The following SPEG variants were observed in gnomAD, a reference collection of about 807,000 sequenced individuals.
The protein encoded by SPEG is striated muscle enriched protein kinase.
SPEG carries 114 observed loss-of-function variants against 300.4 expected under a neutral mutation model. The observed-to-expected ratio is 0.38, with a 90% CI of 0.33 to 0.44. SPEG has a LOEUF of 0.44. SPEG is among the 20% of genes least tolerant of loss of function. SPEG has a pLI of 1.00. For missense variants in SPEG, 4,201 were observed against 4,586.2 expected (o/e 0.92, Z 2.43); for synonymous variants, 1,964 against 2,018.9 (o/e 0.97, Z 0.73).
Position 219,448,993 on chromosome 2 carries a change from C to T in SPEG, c.1835C>T (p.Pro612Leu), listed in dbSNP as rs1416479227. 6.7e-7 allele frequency: 1 copy of T among 1,482,754 alleles called. No homozygotes were observed. 91.8% of individuals were successfully genotyped at this position (1,482,754 alleles called of 1,614,324 possible). A position where few individuals can be genotyped will look rare whatever the true frequency, so the allele number is the denominator to read the frequency against. Residue 612 changes from proline (P) to leucine (L), a missense_variant, in exon 4 of 41, where the codon CCG becomes CTG. Physicochemically the swap from Pro to Leu is moderately conservative, Grantham distance 98. Transcript: ENST00000312358. ...ATCCAGGAGTGCAGGAGCCCTGTGC[C>T]GCCCCCCGCCGCCGATCCCCCAGAG... The part of the protein sequence containing the change: ...RAIQECRSPV[P>L]PPAADPPEAR...
chr2:219,437,524 C>G (rs1199560261), intron 1 of SPEG, among the ~76,000 whole-genome samples: 1 of 152,096 alleles, frequency 6.6e-6, no homozygotes, highest in Non-Finnish European at 1.5e-5. Flanking sequence ...TGTTGTGGGG[C>G]TGGATCAGGG....
At chr2:219,491,739 C>T (rs1048361621) in intron 38 of SPEG, 55 bp from the exon 39 acceptor site, 19 of 1,472,988 alleles carry the variant, frequency 1.3e-5, no homozygotes, top group Non-Finnish European at 1.7e-5. Flanking sequence ...CCTCCCCCGC[C>T]CCCACTTCCC....
Position 219,473,047 on chromosome 2 carries a change from C to G in SPEG, c.4098C>G (p.Ser1366Arg). 1 of 1,613,970 alleles carries G rather than the reference C, an allele frequency of 6.2e-7. No individual in the cohort carries two copies. The highest frequency in any genetic ancestry group is 8.5e-7 in the Non-Finnish European group (1 of 1,180,024). The change falls in exon 16 of 41, where the codon AGC becomes AGG. Residue 1366 changes from serine (S) to arginine (R), a missense_variant. Physicochemically the swap from Ser to Arg is moderately radical, Grantham distance 110 (BLOSUM62 -1). Transcript: ENST00000312358. The surrounding 1 kb of genome is among the most constrained non-coding windows in gnomAD (Gnocchi z 4.6). ...IFRVLSTTVK[S>R]SSKPSPPSEP... is the part of the protein sequence containing the mutation. Reference sequence around the variant, plus strand: ...GGGTCCTCAGCACCACTGTCAAGAGCAGCAGCAAGCCCTCACCCCCTTCTG... The same window carrying G: ...GGGTCCTCAGCACCACTGTCAAGAGGAGCAGCAAGCCCTCACCCCCTTCTG...
intron 1 of SPEG, among the ~76,000 whole-genome samples, chr2:219,438,010 C>T (rs1006313319): frequency 2.0e-5 from 3 of 152,112 alleles, no homozygotes; most frequent in African/African-American, 7.2e-5. Flanking sequence ...GTTCCTGGCA[C>T]TCCTGAAGCC....
In SPEG at chr2:219,443,101, C is replaced by G; in HGVS notation, c.389-1552C>G. On this transcript the variant is annotated intron_variant, in intron 1 of 40. Coordinates refer to ENST00000312358, the MANE Select transcript of SPEG (RefSeq NM_005876.5). The surrounding 1 kb of genome is among the most constrained non-coding windows in gnomAD (Gnocchi z 4.6). ...CTCAACTACTCATTCTGGCTTTTCT[C>G]TTTCAGAAAACCGGCCATTCCCGCC... 1 of 1,612,170 alleles carries G rather than the reference C, an allele frequency of 6.2e-7. No homozygotes were observed. Among genetic ancestry groups the G allele is most frequent in the South Asian group, 1.1e-5 (1 of 91,036 alleles).
chr2:219,469,438 G>A, intron 13 of SPEG, 59 bp downstream of exon 13: 2 of 1,347,676 alleles, frequency 1.5e-6, no homozygotes, highest in East Asian at 2.4e-5. Context: ...GGCTTGCAAT[G>A]CCCTGCCCCT....
At chr2:219,471,395 G>A (rs1335974459) in intron 13 of SPEG, among the ~76,000 whole-genome samples, 1 of 152,154 alleles carries the variant, frequency 6.6e-6, no homozygotes, top group Non-Finnish European at 1.5e-5. Flanking sequence ...CTGTCCTCCT[G>A]GAGGGCTTCC....
intron 1 of SPEG, among the ~76,000 whole-genome samples, chr2:219,437,702 T>C (rs565883827): frequency 6.0e-4 from 92 of 152,112 alleles, no homozygotes; most frequent in African/African-American, 2.0e-3. Context: ...CCACATGCTT[T>C]GGAGGAGGGA....
At position 219,445,509 on chromosome 2, in the gene SPEG, C is replaced by T. The variant is rs1437653535; in HGVS notation, c.815+348C>T. The T allele has an allele frequency of 1.1e-5, 4 of 367,356 alleles. No homozygotes were observed. The highest frequency in any genetic ancestry group is 2.0e-5 in the Non-Finnish European group (4 of 199,956). 22.8% of individuals were successfully genotyped at this position (367,356 alleles called of 1,614,324 possible). A position where few individuals can be genotyped will look rare whatever the true frequency, so the allele number is the denominator to read the frequency against. On this transcript the variant is annotated intron_variant, in intron 3 of 40. Coordinates refer to ENST00000312358, the MANE Select transcript of SPEG (RefSeq NM_005876.5). The surrounding 1 kb of genome is among the most constrained non-coding windows in gnomAD (Gnocchi z 6.1). ...TTGTCCCCAGGATCCCTCCCCCGAC[C>T]CGGGGGCCCCCTTGGTGCCTGCTGT...
chr2:219,477,116 G>A lies in SPEG; in HGVS notation c.4560+134G>A. The A allele has an allele frequency of 1.0e-6, 1 of 1,002,962 alleles. No individual in the cohort carries two copies. The highest frequency in any genetic ancestry group is 1.4e-6 in the Non-Finnish European group (1 of 691,658). 62.1% of individuals were successfully genotyped at this position (1,002,962 alleles called of 1,614,324 possible). On this transcript the variant is annotated intron_variant, in intron 19 of 40. Transcript: ENST00000312358. The surrounding 1 kb of genome is among the most constrained non-coding windows in gnomAD (Gnocchi z 6.4). ...TAGGAGGAGGAAAGGGGCTGCAGAG[G>A]ACTGACTAGCTGAGGGGTGCAGGGC...
rs573325010 is a variant in SPEG, at chr2:219,487,969, G to A, written c.7742-225G>A. 5.9e-5 allele frequency among the ~76,000 whole-genome samples: 9 copies of A among 152,324 alleles called. No individual in the cohort carries two copies. The East Asian group carries it at 1.7e-3, about 29-fold the overall frequency. On this transcript the variant is annotated intron_variant, in intron 31 of 40. Transcript: ENST00000312358. The stretch of plus-strand genomic sequence containing the variant: ...TAGCATTGTCAGCAGTCAGTGCAAG[G>A]AAAAAGCAGTTCTGCACACAGTGAG...
rs973107351 is a variant in SPEG at position 219,451,922 on chromosome 2, G to T, written c.2440+115G>T. On this transcript the variant is annotated intron_variant, in intron 6 of 40. Coordinates refer to ENST00000312358, the MANE Select transcript of SPEG (RefSeq NM_005876.5). This position sits in a 1 kb window ranked among gnomAD's most constrained non-coding sequence, Gnocchi z 6.4. ...AGCCTTGAGCTTGGGCACCCCGCCAGCATACTTAGTCCATGCAGTCCCTTC... is the reference window on the plus strand; with the variant it reads ...AGCCTTGAGCTTGGGCACCCCGCCATCATACTTAGTCCATGCAGTCCCTTC... The T allele has an allele frequency of 4.5e-6, 5 of 1,113,682 alleles. No homozygotes were observed. The African/African-American group carries it at 6.4e-5, about 14-fold the overall frequency. The allele number at this position is 1,113,682 out of a possible 1,614,324, so 69.0% of individuals were successfully genotyped here. A position where few individuals can be genotyped will look rare whatever the true frequency, so the allele number is the denominator to read the frequency against.
chr2:219,469,941 G>C (rs1022118118), intron 13 of SPEG, among the ~76,000 whole-genome samples: 6 of 152,308 alleles, frequency 3.9e-5, no homozygotes, highest in Admixed American at 6.5e-5. Context: ...GGGAGACACA[G>C]AGGAACGTAT....
rs896942697 is a variant in SPEG, at chr2:219,493,118, G to C, written c.*332G>C. 4.0e-5 allele frequency: 22 copies of C among 555,182 alleles called. No homozygotes were observed. Among genetic ancestry groups the C allele is most frequent in the Non-Finnish European group, 6.4e-5 (19 of 295,164 alleles). 34.4% of individuals were successfully genotyped at this position (555,182 alleles called of 1,614,324 possible). On this transcript the variant is annotated 3_prime_UTR_variant, in exon 41 of 41. Transcript: ENST00000312358. ...AGGCTCTAGGAAGGTTCTGGGTTGG[G>C]GGTCAGTGCATCTCAGGGAGAACCA...
rs373818812 is a variant in SPEG at position 219,473,542 on chromosome 2, C to T, written c.4186C>T (p.Pro1396Ser). 1 of 1,614,148 alleles carries T rather than the reference C, an allele frequency of 6.2e-7. No individual in the cohort carries two copies. Among genetic ancestry groups the T allele is most frequent in the Admixed American group, 1.7e-5 (1 of 60,032 alleles). ...GGAGGCCCCTGCCATGCTGGACAAA[C>T]CAGACATCGTGTATGTGGTGGAGGG... ...LEEAPAMLDK[P>S]DIVYVVEGQP... is the part of the protein sequence containing the mutation. The change falls in exon 17 of 41, where the codon CCA becomes TCA. Residue 1396 changes from proline to serine, a missense_variant. This residue lies in a region of SPEG where 1,047 missense variants were observed against 1,356.8 expected (regional missense o/e 0.77). Transcript: ENST00000312358. The surrounding 1 kb of genome is among the most constrained non-coding windows in gnomAD (Gnocchi z 4.6).
At chr2:219,442,119 G>C in intron 1 of SPEG, 1 of 1,171,964 alleles carries the variant, frequency 8.5e-7, no homozygotes, top group Non-Finnish European at 1.1e-6. Context: ...CCGGGAGGGG[G>C]CAGGGAGGCC....
chr2:219,475,350 A>C (rs934158433), intron 18 of SPEG, among the ~76,000 whole-genome samples: 2 of 152,180 alleles, frequency 1.3e-5, no homozygotes, highest in Admixed American at 1.3e-4. Flanking sequence ...TGGTGCTTTC[A>C]AAAAACCATT....
chr2:219,469,471 T>G, intron 13 of SPEG, 92 bp downstream of exon 13: 50 of 1,001,612 alleles, frequency 5.0e-5, no homozygotes, highest in Non-Finnish European at 6.1e-5. Flanking sequence ...CCCCAGGCCT[T>G]TCCTCTGTAG....
At chr2:219,441,552 G>A (rs1018397408) in intron 1 of SPEG, 2 of 470,842 alleles carry the variant, frequency 4.2e-6, no homozygotes, top group Non-Finnish European at 8.8e-6. Flanking sequence ...GAATGAGCAA[G>A]TCGAGATGCT....
Sources: allele counts gnomAD v4.1 joint callset (sites outside exome capture counted in the v4.1 genomes callset), GRCh38; gene constraint gnomAD v4.1.1; regional missense constraint gnomAD v4.1.1; non-coding constraint Gnocchi (gnomAD v3.1); transcripts MANE v1.5; gene names NCBI Gene and HGNC (gene_info 2026-07-23, HGNC 2026-07-21).